PATJ: variants seen among roughly 807,000 people sequenced by gnomAD.
The protein encoded by PATJ is inaD-like protein.
In PATJ, 190 loss-of-function variants were observed where a neutral mutation model predicts 224.9. The observed-to-expected ratio is 0.84, with a 90% CI of 0.75 to 0.95. The LOEUF (loss-of-function observed/expected upper bound fraction) is 0.95. Ranked by LOEUF, PATJ falls within the 40% of genes least tolerant of loss-of-function variation. PATJ has a pLI of 0.00. For synonymous variants in PATJ, 769 were observed against 820.3 expected, an observed-to-expected ratio of 0.94 and a Z score of 1.07; for missense variants, 2,121 against 2,270.3, an observed-to-expected ratio of 0.93 and a Z score of 1.34.
intron 41 of PATJ, among the ~76,000 whole-genome samples, chr1:62,141,721 A>G (rs1225622837): frequency 6.7e-6 from 1 of 150,222 alleles, no homozygotes. Flanking sequence ...TTGGGAGGCC[A>G]GCACTTTGGG....
intron 9 of PATJ, among the ~76,000 whole-genome samples, chr1:61,792,581 A>G (rs2148516222): frequency 6.6e-6 from 1 of 151,484 alleles, no homozygotes; most frequent in South Asian, 2.1e-4. Context: ...CCCAGGCTGG[A>G]GTGCAGTGGC....
intron 40 of PATJ, 52 bp downstream of exon 40, chr1:62,128,146 G>A (rs553213518): frequency 1.2e-6 from 2 of 1,609,300 alleles, no homozygotes; most frequent in Non-Finnish European, 1.7e-6. Flanking sequence ...GGGTGGGAGA[G>A]GAAGTTGCAG....
intron 30 of PATJ, among the ~76,000 whole-genome samples, chr1:62,048,848 T>C (rs1653055245): frequency 6.6e-6 from 1 of 152,150 alleles, no homozygotes; most frequent in South Asian, 2.1e-4. Flanking sequence ...TGAAGCATTT[T>C]GGATTTCAGA....
chr1:62,140,708 G>A (rs12072734), intron 41 of PATJ, among the ~76,000 whole-genome samples: 15,313 of 151,694 alleles, frequency 0.1, 867 homozygotes, highest in Middle Eastern at 0.19. Context: ...TTTACCATTT[G>A]TATGGTGGAT....
chr1:62,115,479 A>C (rs1009265537), intron 35 of PATJ, among the ~76,000 whole-genome samples: 1 of 151,812 alleles, frequency 6.6e-6, no homozygotes. Context: ...AAAATTTTTT[A>C]AATAAAGAAA....
intron 27 of PATJ, among the ~76,000 whole-genome samples, chr1:61,980,479 G>GT (rs1644396117): frequency 2.4e-5 from 3 of 123,504 alleles, no homozygotes; most frequent in African/African-American, 3.5e-5. Context: ...GTGTGTGTGT[G>GT]GTATGCATTT....
At chr1:61,764,025 A>G (rs1646123937) in intron 3 of PATJ, among the ~76,000 whole-genome samples, 1 of 145,902 alleles carries the variant, frequency 6.9e-6, no homozygotes, top group Admixed American at 7.0e-5. Context: ...GTGTGTTATT[A>G]TTATTATTTT....
chr1:61,857,793 T>A (rs1443339068), intron 18 of PATJ, among the ~76,000 whole-genome samples: 1 of 152,220 alleles, frequency 6.6e-6, no homozygotes, highest in Non-Finnish European at 1.5e-5. Context: ...GATGCAGAAT[T>A]TTGTACTTTG....
At chr1:61,953,041 G>A (rs549052202) in intron 27 of PATJ, among the ~76,000 whole-genome samples, 4 of 152,222 alleles carry the variant, frequency 2.6e-5, no homozygotes, top group African/African-American at 9.6e-5. Flanking sequence ...GTTAGGGGTG[G>A]GGGCTCAGCT....
chr1:62,144,795 T>TATATATATATATAA lies in PATJ; in HGVS notation c.5272-3488_5272-3487insTATATATATATAAA, dbSNP rs1558231544. On this transcript the variant is annotated intron_variant, in intron 41 of 43. Coordinates refer to ENST00000642238, the MANE Select transcript of PATJ (RefSeq NM_001350145.3). ...AAAAAAAAATATATATATATATATATAATTAGCAGAATACAAAGTGCCATT... is the reference window on the plus strand; with the variant it reads ...AAAAAAAAATATATATATATATATATATATATATATATAAAATTAGCAGAATACAAAGTGCCATT... Among the ~76,000 whole-genome samples the TATATATATATATAA allele has an allele frequency of 2.1e-5, 3 of 146,302 alleles. No homozygotes were observed. The South Asian group carries it at 6.4e-4, about 31-fold the overall frequency.
intron 26 of PATJ, among the ~76,000 whole-genome samples, chr1:61,916,204 G>C (rs1048864233): frequency 6.6e-6 from 1 of 151,606 alleles, no homozygotes; most frequent in African/African-American, 2.4e-5. Context: ...AACCATAATG[G>C]TGAAACAAAA....
chr1:62,067,271 C>T (rs926419528), intron 31 of PATJ, among the ~76,000 whole-genome samples: 1 of 151,754 alleles, frequency 6.6e-6, no homozygotes, highest in Admixed American at 6.6e-5. Context: ...GGACTACAGG[C>T]ACATGCCACC....
chr1:61,927,935 G>T (rs1675465766), intron 27 of PATJ, 106 bp downstream of exon 27: 2 of 772,722 alleles, frequency 2.6e-6, no homozygotes, highest in Non-Finnish European at 4.1e-6. Context: ...TCAAAAATGT[G>T]CATGAATGTA....
intron 27 of PATJ, among the ~76,000 whole-genome samples, chr1:61,966,415 G>A (rs112710971): frequency 0.012 from 1,859 of 152,202 alleles, 36 homozygotes; most frequent in African/African-American, 0.042. Flanking sequence ...GCCAAATGCG[G>A]TGTCTCACAC....
chr1:61,881,170 C>T (rs1348308094), intron 21 of PATJ, among the ~76,000 whole-genome samples: 2 of 152,144 alleles, frequency 1.3e-5, no homozygotes, highest in African/African-American at 4.8e-5. Flanking sequence ...ATTTGTTGTT[C>T]TCTATTTTCT....
chr1:61,998,040 T>TAATTATATATAATATATTATATATTA (rs1345503048), intron 28 of PATJ, among the ~76,000 whole-genome samples: 1 of 129,358 alleles, frequency 7.7e-6, no homozygotes, highest in Admixed American at 8.7e-5. Flanking sequence ...ATTATATATT[T>TAATTATATATAATATATTATATATTA]ATTATATATA....
intron 4 of PATJ, among the ~76,000 whole-genome samples, chr1:61,768,255 G>A (rs908397428): frequency 2.6e-5 from 4 of 151,818 alleles, no homozygotes; most frequent in Non-Finnish European, 5.9e-5. Flanking sequence ...GGATCACGAG[G>A]TCAGGAGATC....
rs150415374 is a variant in PATJ at position 61,863,866 on chromosome 1, A to G, written c.2440-372A>G. On this transcript the variant is annotated intron_variant, in intron 19 of 43. Transcript: ENST00000642238. ...CTTTTAAGTCTTTGCTTTCTTAAAT[A>G]ATAGTTTGCAGTGTATGTATACTTA... 1.4e-3 allele frequency among the ~76,000 whole-genome samples: 210 copies of G among 152,334 alleles called. 1 individual carries two copies. The highest frequency in any genetic ancestry group is 4.9e-3 in the African/African-American group (202 of 41,582).
chr1:61,922,045 A>G (rs548424160), intron 26 of PATJ, among the ~76,000 whole-genome samples: 4 of 151,714 alleles, frequency 2.6e-5, no homozygotes, highest in African/African-American at 9.7e-5. Flanking sequence ...TATTTTTATT[A>G]TTTTTATTTT....
Sources: allele counts gnomAD v4.1 joint callset (sites outside exome capture counted in the v4.1 genomes callset), GRCh38; gene constraint gnomAD v4.1.1; transcripts MANE v1.5; gene names NCBI Gene and HGNC (gene_info 2026-07-23, HGNC 2026-07-21).